The following AMOTL1 variants were observed in gnomAD, a reference collection of about 807,000 sequenced individuals.
AMOTL1 encodes the protein angiomotin-like protein 1.
Under a neutral mutation model 102.9 loss-of-function variants are expected in AMOTL1, and 45 were observed. The ratio of observed to expected loss-of-function variants is 0.44; its 90% CI spans 0.34 to 0.56. The LOEUF (loss-of-function observed/expected upper bound fraction) is 0.56. Ranked by LOEUF, AMOTL1 falls within the 20% of genes least tolerant of loss-of-function variation. AMOTL1 has a pLI of 0.01. For missense variants in AMOTL1, 1,114 were observed against 1,225.6 expected, an observed-to-expected ratio of 0.91 and a Z score of 1.36; for synonymous variants, 481 against 484.7, an observed-to-expected ratio of 0.99 and a Z score of 0.10.
At chr11:94,741,459 G>A (rs535737337) in intron 3 of AMOTL1, among the ~76,000 whole-genome samples, 9 of 152,204 alleles carry the variant, frequency 5.9e-5, no homozygotes, top group Admixed American at 4.6e-4. Flanking sequence ...GGCTGAAAAC[G>A]GCGGTGTAAT....
chr11:94,770,919 T>A (rs925256286), intron 1 of AMOTL1, among the ~76,000 whole-genome samples: 1 of 152,204 alleles, frequency 6.6e-6, no homozygotes, highest in Middle Eastern at 3.4e-3. Context: ...TGTCTACCCC[T>A]AAGGAAAAGT....
intron 6 of AMOTL1, among the ~76,000 whole-genome samples, chr11:94,835,230 C>T (rs1246132182): frequency 6.6e-6 from 1 of 152,194 alleles, no homozygotes; most frequent in Non-Finnish European, 1.5e-5. Context: ...CCAAATTGCT[C>T]CTGAAAACCA....
intron 12 of AMOTL1, among the ~76,000 whole-genome samples, chr11:94,870,412 T>A (rs757695465): frequency 6.6e-6 from 1 of 152,206 alleles, no homozygotes; most frequent in Non-Finnish European, 1.5e-5. Flanking sequence ...ATGCACCTGA[T>A]AGTTTTGAGT....
intron 10 of AMOTL1, among the ~76,000 whole-genome samples, chr11:94,865,677 G>A (rs563758996): frequency 5.7e-4 from 87 of 152,126 alleles, no homozygotes; most frequent in East Asian, 2.9e-3. Context: ...AGCCGACTTC[G>A]GTCCAGGAAT....
intron 3 of AMOTL1, among the ~76,000 whole-genome samples, chr11:94,760,772 G>C (rs1950782553): frequency 6.6e-6 from 1 of 152,006 alleles, no homozygotes; most frequent in African/African-American, 2.4e-5. Flanking sequence ...CCCATACCAG[G>C]GTATTTGAGC....
chr11:94,707,250 C>CTCTCTCTCTG (rs1338023479), intron 1 of AMOTL1, among the ~76,000 whole-genome samples: 1 of 71,708 alleles, frequency 1.4e-5, no homozygotes, highest in African/African-American at 4.0e-5. Flanking sequence ...CTCTCTCTCT[C>CTCTCTCTCTG]TGTGTGTGTG....
chr11:94,709,103 T>C (rs1384557125), intron 1 of AMOTL1, among the ~76,000 whole-genome samples: 1 of 152,222 alleles, frequency 6.6e-6, no homozygotes, highest in African/African-American at 2.4e-5. Context: ...ATTGAGTGCC[T>C]ACTCTGTGCC....
At chr11:94,726,383 T>C (rs1216472440) in intron 1 of AMOTL1, among the ~76,000 whole-genome samples, 1 of 152,204 alleles carries the variant, frequency 6.6e-6, no homozygotes, top group African/African-American at 2.4e-5. Context: ...AACCAATATT[T>C]ATGAAGTGCC....
At chr11:94,719,554 G>A (rs1253232597) in intron 1 of AMOTL1, among the ~76,000 whole-genome samples, 1 of 139,492 alleles carries the variant, frequency 7.2e-6, no homozygotes, top group African/African-American at 2.5e-5. Context: ...AAGACAAAAA[G>A]CCAGAGCGAA....
chr11:94,760,958 G>A (rs377229500), intron 3 of AMOTL1, among the ~76,000 whole-genome samples: 3 of 151,866 alleles, frequency 2.0e-5, no homozygotes, highest in African/African-American at 4.8e-5. Flanking sequence ...ATTTTTTGTA[G>A]GGACAGGGTC....
At chr11:94,773,268 G>A (rs1165724967) in intron 1 of AMOTL1, among the ~76,000 whole-genome samples, 2 of 152,162 alleles carry the variant, frequency 1.3e-5, no homozygotes, top group African/African-American at 2.4e-5. Flanking sequence ...GGTGCATTTA[G>A]TGTCACATCT....
At chr11:94,807,032 A>G (rs1390931280) in intron 3 of AMOTL1, among the ~76,000 whole-genome samples, 2 of 152,134 alleles carry the variant, frequency 1.3e-5, no homozygotes, top group African/African-American at 4.8e-5. Context: ...TTTCCCTAAA[A>G]CTATTAGGTT....
chr11:94,772,564 T>C (rs1401617629), intron 1 of AMOTL1, among the ~76,000 whole-genome samples: 1 of 152,240 alleles, frequency 6.6e-6, no homozygotes, highest in Non-Finnish European at 1.5e-5. Context: ...TTGTTTCTTT[T>C]CATTGCTGAG....
At chr11:94,745,892 AG>A (rs1950584440) in intron 3 of AMOTL1, among the ~76,000 whole-genome samples, 1 of 152,210 alleles carries the variant, frequency 6.6e-6, no homozygotes, top group African/African-American at 2.4e-5. Context: ...AGTCTCCAAA[AG>A]GAGGTAGTCA....
At chr11:94,786,009 T>C (rs1041040420) in intron 1 of AMOTL1, among the ~76,000 whole-genome samples, 1 of 152,190 alleles carries the variant, frequency 6.6e-6, no homozygotes, top group African/African-American at 2.4e-5. Flanking sequence ...CTGAGATACT[T>C]ACTTCTATAT....
At chr11:94,713,115 CCTT>C (rs1216241183) in intron 1 of AMOTL1, among the ~76,000 whole-genome samples, 4 of 151,548 alleles carry the variant, frequency 2.6e-5, no homozygotes, top group African/African-American at 4.8e-5. Flanking sequence ...AAAAGGCTCT[CCTT>C]CTTTCTTTGG....
chr11:94,830,300 T>C, intron 5 of AMOTL1, 106 bp downstream of exon 5: 4 of 1,076,806 alleles, frequency 3.7e-6, no homozygotes, highest in Non-Finnish European at 5.2e-6. Flanking sequence ...CTGGTCTACC[T>C]GTGTTGGATA....
chr11:94,821,460 A>G (rs1218308375), intron 3 of AMOTL1, 70 bp from the exon 4 acceptor site: 2 of 1,490,796 alleles, frequency 1.3e-6, no homozygotes, highest in South Asian at 1.3e-5. Context: ...CAGTGCCAGT[A>G]TTGTTGGGGC....
At chr11:94,727,534 G>A (rs893882807) in intron 1 of AMOTL1, among the ~76,000 whole-genome samples, 1 of 152,128 alleles carries the variant, frequency 6.6e-6, no homozygotes, top group East Asian at 1.9e-4. Flanking sequence ...TGACATGGGT[G>A]GATAGGTAGC....
Sources: gnomAD v4.1 joint callset for allele counts (sites outside exome capture counted in the v4.1 genomes callset) on GRCh38, gnomAD v4.1.1 for gene constraint, MANE v1.5 for transcripts, NCBI Gene and HGNC (gene_info 2026-07-23, HGNC 2026-07-21) for gene names.